The following AQR variants were observed in gnomAD, a reference collection of about 807,000 sequenced individuals.
The protein encoded by AQR is aquarius intron-binding spliceosomal factor.
A neutral mutation model predicts 180.5 loss-of-function variants in AQR; 61 were observed. The observed-to-expected ratio is 0.34, with a 90% confidence interval of 0.28 to 0.42. AQR has a LOEUF of 0.42. Among genes scored for constraint, AQR ranks in the 10% least tolerant of loss-of-function variants. The pLI is 1.00. For missense variants in AQR, 1,281 were observed against 1,798.3 expected (o/e 0.71, Z 5.20); for synonymous variants, 551 against 588.8 (o/e 0.94, Z 0.93).
At chr15:34,916,882 C>CAAAAAA (rs71119988) in intron 15 of AQR, among the ~76,000 whole-genome samples, 95 of 78,812 alleles carry the variant, frequency 1.2e-3, no homozygotes, top group African/African-American at 2.8e-3. Flanking sequence ...TTCAGCAGAA[C>CAAAAAA]AAAAAAAAAA....
intron 1 of AQR, among the ~76,000 whole-genome samples, chr15:34,968,825 T>G (rs2050327254): frequency 6.6e-6 from 1 of 152,184 alleles, no homozygotes; most frequent in African/African-American, 2.4e-5. Context: ...TCCCTAGGCT[T>G]CTGCCCTGGC....
At position 34,852,414 on chromosome 15, in the gene AQR, GC is replaced by G. The variant is rs1892528166; in HGVS notation, c.*4377del. On this transcript the variant is annotated 3_prime_UTR_variant, in exon 35 of 35. Coordinates refer to ENST00000156471, the MANE Select transcript of AQR (RefSeq NM_014691.3). Reference sequence around the variant, plus strand: ...TCGATCTCCTGACCTCAGGTGATCCGCCCGCCTGGGCCTCCCAAAGTGCTGG... The same window carrying G: ...TCGATCTCCTGACCTCAGGTGATCCGCCGCCTGGGCCTCCCAAAGTGCTGG... 6.6e-6 allele frequency: 1 copy of G among 152,080 alleles called. No individual in the cohort carries two copies. Among genetic ancestry groups the G allele is most frequent in the African/African-American group, 2.4e-5 (1 of 41,396 alleles). 9.4% of individuals were successfully genotyped at this position (152,080 alleles called of 1,614,324 possible).
At position 34,944,428 on chromosome 15, in the gene AQR, T is replaced by C. The variant is rs1483768768; in HGVS notation, c.331A>G (p.Ile111Val). The change falls in exon 6 of 35, where the codon ATT becomes GTT. Residue 111 changes from isoleucine to valine, a missense_variant and splice_region_variant. This residue lies in a region of AQR where 404 missense variants were observed against 490.9 expected (regional missense o/e 0.82). Transcript: ENST00000156471. Reference sequence around the variant, plus strand: ...AAGTGGTCTGGCTTCTTCTTAAAAATCTGAAAAGAAACAGAATAAAATTCA... The same window carrying C: ...AAGTGGTCTGGCTTCTTCTTAAAAACCTGAAAAGAAACAGAATAAAATTCA... Reference protein sequence around the residue: ...KFRENVPAWEIFKKKPDHFPF... With the variant: ...KFRENVPAWEVFKKKPDHFPF... 4 of 1,592,036 alleles carry C rather than the reference T, an allele frequency of 2.5e-6. No individual in the cohort carries two copies. In the South Asian group the frequency reaches 4.6e-5, roughly 18 times the overall value.
chr15:34,867,770 TA>T, intron 31 of AQR, 161 bp from the exon 32 acceptor site: 1 of 584,624 alleles, frequency 1.7e-6, no homozygotes, highest in South Asian at 2.0e-5. Context: ...TGAACATTAT[TA>T]AAGAAACCAT....
intron 4 of AQR, among the ~76,000 whole-genome samples, chr15:34,949,022 T>C (rs1168733560): frequency 6.6e-6 from 1 of 151,996 alleles, no homozygotes; most frequent in Non-Finnish European, 1.5e-5. Flanking sequence ...GACGGAGTTT[T>C]GCTCTTGTGG....
chr15:34,918,193 C>T (rs553388395), intron 15 of AQR, 65 bp downstream of exon 15: 11 of 1,561,046 alleles, frequency 7.0e-6, no homozygotes, highest in Non-Finnish European at 9.6e-6. Context: ...CTATAATTGC[C>T]AATTATATAT....
intron 23 of AQR, among the ~76,000 whole-genome samples, chr15:34,891,404 T>C (rs1293495654): frequency 2.6e-5 from 4 of 152,184 alleles, no homozygotes; most frequent in African/African-American, 9.6e-5. Flanking sequence ...TACAGTGATT[T>C]TGAAGAACTA....
intron 3 of AQR, among the ~76,000 whole-genome samples, chr15:34,954,285 G>C (rs1317855060): frequency 6.6e-6 from 1 of 151,862 alleles, no homozygotes; most frequent in African/African-American, 2.4e-5. Flanking sequence ...TTTCCTTTAT[G>C]ATAACTAGAC....
intron 3 of AQR, among the ~76,000 whole-genome samples, chr15:34,955,472 GC>G (rs1055802642): frequency 6.6e-6 from 1 of 152,098 alleles, no homozygotes; most frequent in Non-Finnish European, 1.5e-5. Flanking sequence ...AGCTGTGGCA[GC>G]CCCACCACAA....
intron 2 of AQR, among the ~76,000 whole-genome samples, chr15:34,962,642 A>C (rs2050286619): frequency 6.6e-6 from 1 of 151,734 alleles, no homozygotes; most frequent in African/African-American, 2.4e-5. Context: ...GGTGGCGTGC[A>C]TCTGTAATCC....
rs759361378 is a variant in AQR at position 34,934,643 on chromosome 15, T to C, written c.719-8A>G. On this transcript the variant is annotated splice_region_variant and splice_polypyrimidine_tract_variant and intron_variant, in intron 9 of 34. Transcript: ENST00000156471. The stretch of plus-strand genomic sequence containing the variant: ...TGTCCATAGTGACAGGTTCTAGACA[T>C]AAGAGAGAACGCATGATAGAATTTC... The C allele has an allele frequency of 6.4e-7, 1 of 1,558,268 alleles. No homozygotes were observed. The highest frequency in any genetic ancestry group is 8.6e-7 in the Non-Finnish European group (1 of 1,156,752).
chr15:34,895,524 C>T (rs1893231042), intron 22 of AQR, among the ~76,000 whole-genome samples: 1 of 151,626 alleles, frequency 6.6e-6, no homozygotes, highest in African/African-American at 2.4e-5. Context: ...ATCGTGCAAA[C>T]ACCACTTAAA....
chr15:34,856,863 C>G lies in AQR; in HGVS notation c.4387G>C (p.Gly1463Arg). Residue 1463 changes from glycine (G) to arginine (R), a missense_variant, in exon 35 of 35, where the codon GGA becomes CGA. This residue lies in a region of AQR where 182 missense variants were observed against 185.3 expected (regional missense o/e 0.98). Coordinates refer to ENST00000156471, the MANE Select transcript of AQR (RefSeq NM_014691.3). ...GCTTCTGCCGGTGCAGATACAGCTC[C>G]TACCACAGTAGGGGTGGTCTCAGAT... ...ALSETTPTVV[G>R]AVSAPAEANT... 6.2e-7 allele frequency: 1 copy of G among 1,612,492 alleles called. No individual in the cohort carries two copies. The highest frequency in any genetic ancestry group is 8.5e-7 in the Non-Finnish European group (1 of 1,179,206).
rs202028790 is a variant in AQR at position 34,899,693 on chromosome 15, T to TAC, written c.2243+927_2243+928dup. On this transcript the variant is annotated intron_variant, in intron 20 of 34. Coordinates refer to ENST00000156471, the MANE Select transcript of AQR (RefSeq NM_014691.3). Reference sequence around the variant, plus strand: ...GCCTATTATTATATATATATATATATACAGTTGAAAGCTGTGTGTTTTCTA... The same window carrying TAC: ...GCCTATTATTATATATATATATATATACACAGTTGAAAGCTGTGTGTTTTCTA... Among the ~76,000 whole-genome samples, 975 of 151,752 alleles carry TAC rather than the reference T, an allele frequency of 6.4e-3. 10 individuals are homozygous for TAC. Among genetic ancestry groups the TAC allele is most frequent in the African/African-American group, 0.022 (927 of 41,374 alleles).
chr15:34,954,952 G>A (rs555619920), intron 3 of AQR, among the ~76,000 whole-genome samples: 2 of 152,072 alleles, frequency 1.3e-5, no homozygotes, highest in South Asian at 2.1e-4. Flanking sequence ...GTGGAATCCC[G>A]TCTCTACTAA....
chr15:34,866,772 C>T (rs1361342924), intron 32 of AQR, among the ~76,000 whole-genome samples: 6 of 151,972 alleles, frequency 3.9e-5, no homozygotes, highest in African/African-American at 1.4e-4. Flanking sequence ...TTCTAGTATG[C>T]AAAACAATTT....
rs1428037033 is a variant in AQR, at chr15:34,856,582, T to G, written c.*210A>C. The G allele has an allele frequency of 8.8e-6, 4 of 453,560 alleles. No homozygotes were observed. In the East Asian group the frequency reaches 1.3e-4, roughly 15 times the overall value. 28.1% of individuals were successfully genotyped at this position (453,560 alleles called of 1,614,324 possible). On this transcript the variant is annotated 3_prime_UTR_variant, in exon 35 of 35. Coordinates refer to ENST00000156471, the MANE Select transcript of AQR (RefSeq NM_014691.3). The stretch of plus-strand genomic sequence containing the variant: ...GATCAAAACATGAAAGGAATGGTTA[T>G]TTGCTCTTCTGATTGAACAAATGAA...
At chr15:34,950,022 T>C (rs1335410126) in intron 4 of AQR, among the ~76,000 whole-genome samples, 2 of 150,444 alleles carry the variant, frequency 1.3e-5, no homozygotes, top group Non-Finnish European at 3.0e-5. Flanking sequence ...CTTCTCATTC[T>C]AGCCTCCACA....
chr15:34,940,913 T>G lies in AQR; in HGVS notation c.627A>C (p.Pro209=), dbSNP rs1185224191. 2 of 1,607,534 alleles carry G rather than the reference T, an allele frequency of 1.2e-6. No individual in the cohort carries two copies. The highest frequency in any genetic ancestry group is 1.7e-6 in the Non-Finnish European group (2 of 1,176,012). The change falls in exon 8 of 35, where the codon CCA becomes CCC. Residue 209 remains proline, a synonymous_variant. Coordinates refer to ENST00000156471, the MANE Select transcript of AQR (RefSeq NM_014691.3). ...TGCCAACATACTGTTCTCTTGCTTC[T>G]GGATCCATCTTTTCATCATTCTTTT... ...LIKKNDEKMD[P]EAREQAYQER... is the part of the protein sequence containing the mutation.
Sources: allele counts gnomAD v4.1 joint callset (sites outside exome capture counted in the v4.1 genomes callset), GRCh38; gene constraint gnomAD v4.1.1; regional missense constraint gnomAD v4.1.1; transcripts MANE v1.5; gene names NCBI Gene and HGNC (gene_info 2026-07-23, HGNC 2026-07-21).